The following CAPRIN2 variants were observed in gnomAD, a reference collection of about 807,000 sequenced individuals.
CAPRIN2 encodes the protein caprin family member 2.
Under a neutral mutation model 130.4 loss-of-function variants are expected in CAPRIN2, and 66 were observed. The ratio of observed to expected loss-of-function variants is 0.51; its 90% CI spans 0.42 to 0.62. CAPRIN2 has a LOEUF of 0.62. Ranked by LOEUF, CAPRIN2 falls within the 20% of genes least tolerant of loss-of-function variation. The pLI is 0.00. For synonymous variants in CAPRIN2, 471 were observed against 444.1 expected, an observed-to-expected ratio of 1.06 and a Z score of -0.76; for missense variants, 1,185 against 1,246.6, an observed-to-expected ratio of 0.95 and a Z score of 0.74.
intron 11 of CAPRIN2, among the ~76,000 whole-genome samples, 177 bp downstream of exon 12, chr12:30,723,082 T>C (rs1420237972): frequency 3.3e-5 from 5 of 152,214 alleles, no homozygotes; most frequent in South Asian, 4.1e-4. Flanking sequence ...GTTTTCAGCA[T>C]AGTCATCGGG....
At chr12:30,709,932 C>T (rs552563059) in exon 17 of CAPRIN2, 20 of 1,609,302 alleles carry the variant, frequency 1.2e-5, no homozygotes, top group Admixed American at 3.3e-5. Context: ...AGCCTGAAAA[C>T]GTAGAATATT....
intron 2 of CAPRIN2, among the ~76,000 whole-genome samples, chr12:30,746,820 AACAAGT>A (rs905641320): frequency 6.6e-6 from 1 of 152,242 alleles, no homozygotes. Context: ...AAGATGAAGC[AACAAGT>A]GCTAATGTAG....
chr12:30,751,001 A>T, intron 2 of CAPRIN2, 70 bp downstream of exon 3: 2 of 1,118,704 alleles, frequency 1.8e-6, no homozygotes, highest in Non-Finnish European at 2.7e-6. Context: ...GACTGATCGC[A>T]CTAAATCCAT....
chr12:30,724,419 A>G (rs757909800), exon 10 of CAPRIN2: 1 of 1,613,112 alleles, frequency 6.2e-7, no homozygotes, highest in South Asian at 1.1e-5. Context: ...TTGGAATTGC[A>G]CTTGAAGGTT....
chr12:30,719,409 T>C (rs551171288), intron 12 of CAPRIN2, 184 bp from the exon 14 acceptor site: 49 of 624,178 alleles, frequency 7.9e-5, no homozygotes, highest in East Asian at 3.9e-4. Context: ...TACCAGTATT[T>C]GCTTTGCACA....
At chr12:30,747,226 G>T (rs1236464718) in intron 2 of CAPRIN2, among the ~76,000 whole-genome samples, 1 of 152,102 alleles carries the variant, frequency 6.6e-6, no homozygotes, top group Non-Finnish European at 1.5e-5. Flanking sequence ...AGAAAAAAAA[G>T]ATTTCTTTCA....
exon 4 of CAPRIN2, chr12:30,735,158 G>A: frequency 6.2e-7 from 1 of 1,614,150 alleles, no homozygotes; most frequent in Non-Finnish European, 8.5e-7. Context: ...TCAGCCTCAA[G>A]TTTTAGCATG....
At position 30,715,157 on chromosome 12, in the gene CAPRIN2, G is replaced by A. The variant is rs777479519; in HGVS notation, c.2318-16C>T. The A allele has an allele frequency of 1.9e-6, 3 of 1,609,922 alleles. No individual in the cohort carries two copies. Among genetic ancestry groups the A allele is most frequent in the East Asian group, 2.2e-5 (1 of 44,858 alleles). The stretch of plus-strand genomic sequence containing the variant: ...TGATAATTTGCTGCTTAAGAAAAAC[G>A]ATTTTAGGGTCCAAGAGTTAAATGG... On this transcript the variant is annotated splice_polypyrimidine_tract_variant and intron_variant, in intron 13 of 16. Transcript: ENST00000298892.
rs755379630 is a variant in CAPRIN2 at position 30,710,455 on chromosome 12, G to T, written c.2681C>A (p.Ser894Tyr). Residue 894 changes from serine to tyrosine, a missense_variant, in exon 17 of 17, where the codon TCT (serine) becomes TAT (tyrosine). Coordinates refer to ENST00000298892, the Ensembl canonical transcript of CAPRIN2. This position sits in a 1 kb window ranked among gnomAD's most constrained non-coding sequence, Gnocchi z 4.8. Reference sequence around the variant, plus strand: ...TCTTTCTGGGCTGCTCACCTGAGAAGAATCACTCCACCCTGCTGTTTTATT... The same window carrying T: ...TCTTTCTGGGCTGCTCACCTGAGAATAATCACTCCACCCTGCTGTTTTATT... The T allele has an allele frequency of 6.2e-7, 1 of 1,613,916 alleles. No individual in the cohort carries two copies. Among genetic ancestry groups the T allele is most frequent in the African/African-American group, 1.3e-5 (1 of 74,926 alleles).
At chr12:30,738,312 A>G (rs1443860759) in intron 3 of CAPRIN2, among the ~76,000 whole-genome samples, 2 of 152,090 alleles carry the variant, frequency 1.3e-5, no homozygotes, top group Non-Finnish European at 2.9e-5. Context: ...CAAAGAAAAA[A>G]AAAAACAAAA....
exon 8 of CAPRIN2, chr12:30,728,694 G>C (rs1400692330): frequency 3.1e-6 from 5 of 1,613,662 alleles, no homozygotes; most frequent in Middle Eastern, 3.3e-4. Flanking sequence ...CTGGTCATTT[G>C]GTATGAGGCT....
At chr12:30,723,599 T>C (rs1301762519) in intron 10 of CAPRIN2, among the ~76,000 whole-genome samples, 1 of 151,906 alleles carries the variant, frequency 6.6e-6, no homozygotes, top group South Asian at 2.1e-4. Context: ...TAAAAATAAC[T>C]GATAATAGTG....
chr12:30,724,328 A>AGCTCAAGACGTTT (rs1443270982), intron 10 of CAPRIN2, 42 bp downstream of exon 11: 1 of 1,148,826 alleles, frequency 8.7e-7, no homozygotes, highest in Non-Finnish European at 1.3e-6. Flanking sequence ...AATAGCTGTT[A>AGCTCAAGACGTTT]GCTCAAGACG....
intron 2 of CAPRIN2, among the ~76,000 whole-genome samples, chr12:30,749,171 G>A (rs893682712): frequency 1.3e-5 from 2 of 152,222 alleles, no homozygotes; most frequent in African/African-American, 4.8e-5. Flanking sequence ...CCCTGCAGAA[G>A]TGTGCCTGGG....
intron 2 of CAPRIN2, among the ~76,000 whole-genome samples, chr12:30,742,637 A>G (rs1033465949): frequency 6.6e-6 from 1 of 151,924 alleles, no homozygotes; most frequent in African/African-American, 2.4e-5. Flanking sequence ...ATATAGCATG[A>G]TACCACTTTC....
intron 5 of CAPRIN2, among the ~76,000 whole-genome samples, chr12:30,732,717 A>G (rs890403040): frequency 1.5e-4 from 23 of 152,080 alleles, no homozygotes; most frequent in African/African-American, 5.1e-4. Flanking sequence ...TACATGTATC[A>G]ATAGTTCCGT....
exon 3 of CAPRIN2, chr12:30,741,058 T>G: frequency 1.2e-6 from 2 of 1,611,988 alleles, no homozygotes; most frequent in Non-Finnish European, 1.7e-6. Context: ...TGAAGCTCCT[T>G]GGCAAATTCC....
intron 9 of CAPRIN2, among the ~76,000 whole-genome samples, chr12:30,725,523 A>C (rs1364195941): frequency 6.6e-6 from 1 of 152,190 alleles, no homozygotes; most frequent in Non-Finnish European, 1.5e-5. Context: ...TGTATAACAC[A>C]ATTTATCATT....
chr12:30,751,059 TA>T lies in CAPRIN2; in HGVS notation c.483+11del. On this transcript the variant is annotated intron_variant, in intron 2 of 16. Coordinates refer to ENST00000298892, the Ensembl canonical transcript of CAPRIN2. ...ACCAGCAAGTCTTACTAAAAGATCA[TA>T]AGCCACTTACCAACTGGTCTGGATT... The T allele has an allele frequency of 6.2e-7, 1 of 1,607,674 alleles. No homozygotes were observed. Among genetic ancestry groups the T allele is most frequent in the Non-Finnish European group, 8.5e-7 (1 of 1,174,140 alleles).
Sources: gnomAD v4.1 joint callset for allele counts (sites outside exome capture counted in the v4.1 genomes callset) on GRCh38, gnomAD v4.1.1 for gene constraint, Gnocchi (gnomAD v3.1) non-coding constraint, MANE v1.5 for transcripts, NCBI Gene and HGNC (gene_info 2026-07-23, HGNC 2026-07-21) for gene names.